The following SND1 variants were observed in gnomAD, a reference collection of about 807,000 sequenced individuals.
SND1 encodes staphylococcal nuclease domain-containing protein 1.
A neutral mutation model predicts 121.7 loss-of-function variants in SND1; 38 were observed. That is an observed-to-expected ratio of 0.31 (90% CI 0.24 to 0.41). SND1 has a LOEUF of 0.41. Among genes scored for constraint, SND1 ranks in the 10% least tolerant of loss-of-function variants. SND1 has a pLI of 1.00. For synonymous variants in SND1, 401 were observed against 447.4 expected, an observed-to-expected ratio of 0.90 and a Z score of 1.31; for missense variants, 868 against 1,184.6, an observed-to-expected ratio of 0.73 and a Z score of 3.92.
At chr7:127,724,342 A>C (rs1178360616) in intron 10 of SND1, among the ~76,000 whole-genome samples, 2 of 152,248 alleles carry the variant, frequency 1.3e-5, no homozygotes, top group Non-Finnish European at 2.9e-5. Flanking sequence ...GGGAGAAGAC[A>C]GTTTCTGACC....
At chr7:127,675,060 A>C (rs1795592517) in intron 1 of SND1, among the ~76,000 whole-genome samples, 1 of 152,162 alleles carries the variant, frequency 6.6e-6, no homozygotes, top group Non-Finnish European at 1.5e-5. Context: ...AATTAGCTGC[A>C]CTTGGTGGCA....
At chr7:127,920,858 C>CAA (rs34784173) in intron 14 of SND1, among the ~76,000 whole-genome samples, 2,625 of 120,312 alleles carry the variant, frequency 0.022, 58 homozygotes, top group Non-Finnish European at 0.027. Context: ...CTTATCTTAA[C>CAA]AAAAAAAAAA....
At chr7:127,964,033 T>G (rs1401043135) in intron 15 of SND1, among the ~76,000 whole-genome samples, 10 of 152,138 alleles carry the variant, frequency 6.6e-5, no homozygotes, top group Non-Finnish European at 1.5e-4. Context: ...CATGTGTGTT[T>G]TGGCTGCATA....
chr7:127,812,442 A>G (rs1185284484), intron 11 of SND1, among the ~76,000 whole-genome samples: 1 of 152,204 alleles, frequency 6.6e-6, no homozygotes, highest in Non-Finnish European at 1.5e-5. Flanking sequence ...TTCTTCGCCT[A>G]AATATACAGA....
At chr7:127,831,582 T>C (rs1039716072) in intron 11 of SND1, among the ~76,000 whole-genome samples, 2 of 152,176 alleles carry the variant, frequency 1.3e-5, no homozygotes, top group African/African-American at 4.8e-5. Flanking sequence ...CATGATCATG[T>C]CCTTCTAACA....
chr7:127,802,690 T>G (rs1798157071), intron 10 of SND1, among the ~76,000 whole-genome samples: 1 of 152,162 alleles, frequency 6.6e-6, no homozygotes, highest in Non-Finnish European at 1.5e-5. Flanking sequence ...AAACTCCATG[T>G]TTGTATACCC....
At chr7:127,817,036 A>G (rs1043473635) in intron 11 of SND1, among the ~76,000 whole-genome samples, 1 of 152,162 alleles carries the variant, frequency 6.6e-6, no homozygotes, top group Non-Finnish European at 1.5e-5. Context: ...GATAGAGCCT[A>G]TTTTTATAGT....
At chr7:127,893,163 A>G (rs541103957) in intron 13 of SND1, among the ~76,000 whole-genome samples, 1 of 152,138 alleles carries the variant, frequency 6.6e-6, no homozygotes, top group Non-Finnish European at 1.5e-5. Context: ...AATCTTTCAT[A>G]TGCTCTATTT....
At chr7:127,848,715 G>A (rs946210694) in intron 12 of SND1, among the ~76,000 whole-genome samples, 2 of 152,192 alleles carry the variant, frequency 1.3e-5, no homozygotes, top group Non-Finnish European at 2.9e-5. Context: ...AGTGATTTTA[G>A]GGGACTGAGA....
intron 14 of SND1, 139 bp downstream of exon 14, chr7:127,904,958 G>C: frequency 1.6e-6 from 1 of 607,902 alleles, no homozygotes; most frequent in East Asian, 2.8e-5. Flanking sequence ...CCCCACCCCG[G>C]GGCATCTACT....
chr7:127,760,926 C>G (rs1797294701), intron 10 of SND1, among the ~76,000 whole-genome samples: 1 of 152,182 alleles, frequency 6.6e-6, no homozygotes, highest in Non-Finnish European at 1.5e-5. Context: ...AAACTGTATT[C>G]TCAACGAAAT....
chr7:127,898,345 TTCTG>T (rs1462863425), intron 13 of SND1, among the ~76,000 whole-genome samples: 1 of 152,132 alleles, frequency 6.6e-6, no homozygotes, highest in Non-Finnish European at 1.5e-5. Context: ...TCTCAATCTT[TTCTG>T]TCTTTCTCAT....
chr7:127,712,966 A>G (rs1796322946), intron 9 of SND1, among the ~76,000 whole-genome samples: 1 of 152,228 alleles, frequency 6.6e-6, no homozygotes, highest in South Asian at 2.1e-4. Context: ...ATTGGCAGTT[A>G]TTTCCTTAGA....
chr7:128,039,009 C>G (rs73238078), intron 16 of SND1, among the ~76,000 whole-genome samples: 31,556 of 152,124 alleles, frequency 0.21, 3,732 homozygotes, highest in Middle Eastern at 0.29. Context: ...GGCCCTAAGT[C>G]TTCATCCCTG....
intron 9 of SND1, among the ~76,000 whole-genome samples, chr7:127,709,845 G>A (rs1198647334): frequency 2.0e-5 from 3 of 152,166 alleles, no homozygotes; most frequent in Admixed American, 2.0e-4. Context: ...AGAGGGTAGA[G>A]AGAAATGGGA....
At chr7:128,091,208 G>A (rs192020053) in intron 22 of SND1, among the ~76,000 whole-genome samples, 42 of 152,266 alleles carry the variant, frequency 2.8e-4, no homozygotes, top group African/African-American at 9.9e-4. Flanking sequence ...GGAGGGGAAG[G>A]TTGTATTTGT....
At chr7:127,889,270 A>G (rs944352289) in intron 13 of SND1, among the ~76,000 whole-genome samples, 1 of 151,660 alleles carries the variant, frequency 6.6e-6, no homozygotes, top group African/African-American at 2.4e-5. Flanking sequence ...CTCCCTACCT[A>G]TATTATCAGT....
chr7:127,998,246 T>C (rs2116927870), intron 16 of SND1: 1 of 318,298 alleles, frequency 3.1e-6, no homozygotes, highest in Non-Finnish European at 6.2e-6. Flanking sequence ...AGGAAAACTG[T>C]TGAAGTATTA....
chr7:127,664,475 G>A (rs983525878), intron 1 of SND1, among the ~76,000 whole-genome samples: 8 of 152,152 alleles, frequency 5.3e-5, no homozygotes, highest in Admixed American at 4.6e-4. Flanking sequence ...GTGCTGAGAG[G>A]GTGGTGTGCC....
Sources: allele counts gnomAD v4.1 joint callset (sites outside exome capture counted in the v4.1 genomes callset), GRCh38; gene constraint gnomAD v4.1.1; transcripts MANE v1.5; gene names NCBI Gene and HGNC (gene_info 2026-07-23, HGNC 2026-07-21).